The following GLIS1 variants were observed in gnomAD, a reference collection of about 807,000 sequenced individuals.
The protein encoded by GLIS1 is GLIS family zinc finger 1, also known as zinc finger protein GLIS1.
Under a neutral mutation model 63.8 loss-of-function variants are expected in GLIS1, and 24 were observed. The observed-to-expected ratio is 0.38, with a 90% CI of 0.27 to 0.53. The LOEUF is 0.53. Ranked by LOEUF, GLIS1 falls within the 20% of genes least tolerant of loss-of-function variation. The probability of loss-of-function intolerance (pLI) is 0.85; values close to 1 mark genes in which losing one functional copy is unlikely to be tolerated. For synonymous variants in GLIS1, 450 were observed against 482.5 expected (o/e 0.93, Z 0.88); for missense variants, 1,036 against 1,074.1 (o/e 0.96, Z 0.50).
intron 2 of GLIS1, among the ~76,000 whole-genome samples, chr1:53,732,088 C>T (rs1212646585): frequency 1.3e-5 from 2 of 152,212 alleles, no homozygotes; most frequent in Non-Finnish European, 2.9e-5. Flanking sequence ...CCAGGAAATG[C>T]GTTATTCAGT....
In GLIS1 at chr1:53,575,837, G is replaced by A. The variant is rs115135183; in HGVS notation, c.1320+18271C>T. Among the ~76,000 whole-genome samples, 450 of 152,232 alleles carry A rather than the reference G, an allele frequency of 3.0e-3. 6 individuals are homozygous for A. The highest frequency in any genetic ancestry group is 7.9e-3 in the African/African-American group (329 of 41,520). On this transcript the variant is annotated intron_variant, in intron 4 of 10. Coordinates refer to ENST00000628545, the MANE Select transcript of GLIS1 (RefSeq NM_001367484.1). ...TTCTGTAATGCCCTCTGATTATGCC[G>A]CCCTGCGGGTCCCCTCTGTAAGACA...
At chr1:53,542,703 C>T (rs58034687) in intron 4 of GLIS1, among the ~76,000 whole-genome samples, 3,105 of 152,318 alleles carry the variant, frequency 0.02, 95 homozygotes, top group African/African-American at 0.071. Context: ...CTAAAAGCTG[C>T]GAGGTCCTGA....
intron 2 of GLIS1, among the ~76,000 whole-genome samples, chr1:53,601,773 TAG>T (rs981350401): frequency 1.1e-4 from 16 of 152,330 alleles, no homozygotes; most frequent in African/African-American, 3.6e-4. Context: ...AGAAGCCTTT[TAG>T]AGAGTCCACC....
At chr1:53,513,931 G>A (rs1359422046) in intron 8 of GLIS1, among the ~76,000 whole-genome samples, 1 of 152,254 alleles carries the variant, frequency 6.6e-6, no homozygotes, top group Non-Finnish European at 1.5e-5. Context: ...GCGGGGACAA[G>A]GTGATCAGCA....
At chr1:53,528,824 T>TC (rs1046473392) in intron 5 of GLIS1, among the ~76,000 whole-genome samples, 41 of 152,122 alleles carry the variant, frequency 2.7e-4, no homozygotes, top group Non-Finnish European at 2.5e-4. Flanking sequence ...CCCACAGAGT[T>TC]CCCCAAACAC....
At chr1:53,730,900 A>C (rs1050884269) in intron 2 of GLIS1, among the ~76,000 whole-genome samples, 20 of 152,282 alleles carry the variant, frequency 1.3e-4, no homozygotes, top group African/African-American at 4.8e-4. Flanking sequence ...TCTGATCCCC[A>C]GCCTGTTCTC....
chr1:53,597,035 C>T (rs539256895), intron 3 of GLIS1, among the ~76,000 whole-genome samples: 1 of 152,012 alleles, frequency 6.6e-6, no homozygotes, highest in South Asian at 2.1e-4. Context: ...CATTTACATT[C>T]TGCTGAGGGG....
intron 4 of GLIS1, 68 bp downstream of exon 4, chr1:53,594,040 G>C (rs1156356959): frequency 2.0e-6 from 3 of 1,514,648 alleles, no homozygotes; most frequent in African/African-American, 1.4e-5. Flanking sequence ...GCCTCTCCTG[G>C]GGCACTGGGG....
At chr1:53,603,219 A>T (rs1645336316) in intron 2 of GLIS1, among the ~76,000 whole-genome samples, 1 of 152,192 alleles carries the variant, frequency 6.6e-6, no homozygotes, top group African/African-American at 2.4e-5. Flanking sequence ...GGTGCCACTT[A>T]GTGCTCTAGG....
At chr1:53,633,340 C>G (rs1178953553) in intron 2 of GLIS1, among the ~76,000 whole-genome samples, 1 of 68,054 alleles carries the variant, frequency 1.5e-5, no homozygotes, top group Admixed American at 1.7e-4. Flanking sequence ...GGCTGAGGGG[C>G]GTGTGAATGG....
At chr1:53,697,754 C>T (rs115739739) in intron 2 of GLIS1, among the ~76,000 whole-genome samples, 6,134 of 152,274 alleles carry the variant, frequency 0.04, 173 homozygotes, top group Non-Finnish European at 0.058. Flanking sequence ...CTCACTTCAT[C>T]CTAGCAACAA....
chr1:53,666,397 T>G (rs1646091599), intron 2 of GLIS1, among the ~76,000 whole-genome samples: 1 of 152,142 alleles, frequency 6.6e-6, no homozygotes, highest in Non-Finnish European at 1.5e-5. Flanking sequence ...ACTGATAGCT[T>G]TCAGGATGGA....
At chr1:53,654,083 C>A (rs1645937767) in intron 2 of GLIS1, among the ~76,000 whole-genome samples, 1 of 152,208 alleles carries the variant, frequency 6.6e-6, no homozygotes, top group African/African-American at 2.4e-5. Flanking sequence ...CCAGTACACA[C>A]AAGACCTCAG....
intron 2 of GLIS1, among the ~76,000 whole-genome samples, chr1:53,679,576 C>T (rs1226457410): frequency 6.6e-6 from 1 of 152,192 alleles, no homozygotes; most frequent in Non-Finnish European, 1.5e-5. Context: ...GCCACTTGCC[C>T]CATTTACACA....
chr1:53,523,286 G>A (rs972625746), intron 6 of GLIS1, among the ~76,000 whole-genome samples: 1 of 152,064 alleles, frequency 6.6e-6, no homozygotes, highest in African/African-American at 2.4e-5. Context: ...AGCTTCCAAT[G>A]CTCCCCACTG....
rs1644234749 is a variant in GLIS1, at chr1:53,506,627, C to T, written c.2380G>A (p.Asp794Asn). The part of the protein sequence containing the change: ...CLGHIPSIYT[D>N]T Reference sequence around the variant, plus strand: ...CGCATGTGGGGGCTCCTTCAGGTGTCTGTGTAGATGGAGGGGATGTGGCCC... The same window carrying T: ...CGCATGTGGGGGCTCCTTCAGGTGTTTGTGTAGATGGAGGGGATGTGGCCC... Residue 794 changes from aspartate (D) to asparagine (N), a missense_variant, in exon 11 of 11, where the codon GAC becomes AAC. By Grantham distance (23) the Asp-to-Asn change is conservative. Coordinates refer to ENST00000628545, the MANE Select transcript of GLIS1 (RefSeq NM_001367484.1). 8.1e-6 allele frequency: 13 copies of T among 1,613,428 alleles called. No homozygotes were observed. The highest frequency in any genetic ancestry group is 1.0e-5 in the Non-Finnish European group (12 of 1,179,962).
Position 53,673,021 on chromosome 1 carries a change from A to G in GLIS1, c.259+64785T>C, listed in dbSNP as rs1646170330. ...GCCAGGTCGCTCCAGTGTCGGGTAC[A>G]TTACTCCCTGAGCTGGCAAGCACTC... On this transcript the variant is annotated intron_variant, in intron 2 of 10. Coordinates refer to ENST00000628545, the MANE Select transcript of GLIS1 (RefSeq NM_001367484.1). Among the ~76,000 whole-genome samples, 2 of 152,208 alleles carry G rather than the reference A, an allele frequency of 1.3e-5. 1 individual carries two copies.
chr1:53,514,526 G>A, intron 8 of GLIS1, 99 bp downstream of exon 8: 7 of 1,222,500 alleles, frequency 5.7e-6, no homozygotes, highest in Non-Finnish European at 8.1e-6. Context: ...TTCATTATCA[G>A]TAACAAGCAG....
At chr1:53,597,176 T>TAAAAA (rs57607550) in intron 3 of GLIS1, among the ~76,000 whole-genome samples, 4 of 19,324 alleles carry the variant, frequency 2.1e-4, no homozygotes, top group East Asian at 2.7e-3. Flanking sequence ...CTGTCTCTAC[T>TAAAAA]AAAAAAAAAA....
Sources: gnomAD v4.1 joint callset for allele counts (sites outside exome capture counted in the v4.1 genomes callset) on GRCh38, gnomAD v4.1.1 for gene constraint, MANE v1.5 for transcripts, NCBI Gene and HGNC (gene_info 2026-07-23, HGNC 2026-07-21) for gene names.